TATDN1: variants seen among roughly 807,000 people sequenced by gnomAD.
The protein encoded by TATDN1 is deoxyribonuclease TATDN1.
A neutral mutation model predicts 46.4 loss-of-function variants in TATDN1; 40 were observed. The observed-to-expected ratio is 0.86, with a 90% CI of 0.67 to 1.12. The LOEUF is 1.12. TATDN1 is among the 50% of genes most tolerant of loss of function. TATDN1 has a pLI of 0.00. For synonymous variants in TATDN1, 95 were observed against 105.6 expected (o/e 0.90, Z 0.62); for missense variants, 326 against 348.4 (o/e 0.94, Z 0.51).
At chr8:124,524,912 G>C (rs1172298993) in intron 1 of TATDN1, among the ~76,000 whole-genome samples, 1 of 152,064 alleles carries the variant, frequency 6.6e-6, no homozygotes, top group Non-Finnish European at 1.5e-5. Context: ...GATCTGGGAT[G>C]GGGGAAATGA....
chr8:124,529,256 C>T (rs991296855), intron 1 of TATDN1, among the ~76,000 whole-genome samples: 1 of 152,218 alleles, frequency 6.6e-6, no homozygotes, highest in African/African-American at 2.4e-5. Flanking sequence ...TCTCATACTC[C>T]TAAATCCCGC....
At chr8:124,532,485 T>C (rs1236564780) in intron 1 of TATDN1, among the ~76,000 whole-genome samples, 3 of 152,160 alleles carry the variant, frequency 2.0e-5, no homozygotes, top group Non-Finnish European at 4.4e-5. Context: ...GGTTTCACCA[T>C]GTTGGTCAGG....
intron 1 of TATDN1, 71 bp from the exon 2 acceptor site, chr8:124,523,073 CTGT>C (rs1413496573): frequency 1.4e-6 from 2 of 1,398,022 alleles, no homozygotes; most frequent in African/African-American, 2.9e-5. Flanking sequence ...TAAAAAGCTT[CTGT>C]TACTAAACTT....
chr8:124,533,879 G>C (rs1378915717), intron 1 of TATDN1, among the ~76,000 whole-genome samples: 2 of 152,044 alleles, frequency 1.3e-5, no homozygotes, highest in Non-Finnish European at 2.9e-5. Context: ...GGGCGCGATG[G>C]CTCACGCCTA....
At chr8:124,508,393 A>T in intron 8 of TATDN1, 81 bp downstream of exon 8, 1 of 1,203,730 alleles carries the variant, frequency 8.3e-7, no homozygotes, top group Non-Finnish European at 1.2e-6. Context: ...CAGATTTTGG[A>T]GCATTTTGTA....
intron 1 of TATDN1, among the ~76,000 whole-genome samples, chr8:124,524,920 T>G (rs1412583648): frequency 6.6e-6 from 1 of 151,864 alleles, no homozygotes; most frequent in Non-Finnish European, 1.5e-5. Flanking sequence ...ATGGGGGAAA[T>G]GAGGGATGAG....
chr8:124,512,837 G>A (rs113763177), intron 6 of TATDN1, among the ~76,000 whole-genome samples: 17 of 152,270 alleles, frequency 1.1e-4, no homozygotes, highest in African/African-American at 3.6e-4. Flanking sequence ...GAGTATATGC[G>A]AGGGGAAAAG....
rs760247914 is a variant in TATDN1, at chr8:124,494,007, A to AT, written c.665-49dup. On this transcript the variant is annotated intron_variant, in intron 10 of 11. Transcript: ENST00000276692. ...TCGTAAGGGGTTTACATTTTTAAAA[A>AT]TTTTTTATGACCATTATCTAATATA... 3.3e-6 allele frequency: 5 copies of AT among 1,530,582 alleles called. No homozygotes were observed. In the African/African-American group the frequency reaches 4.2e-5, roughly 13 times the overall value. The allele number at this position is 1,530,582 out of a possible 1,614,324, so 94.8% of individuals were successfully genotyped here.
intron 1 of TATDN1, among the ~76,000 whole-genome samples, chr8:124,534,573 C>G (rs1191000049): frequency 6.6e-6 from 1 of 152,186 alleles, no homozygotes; most frequent in African/African-American, 2.4e-5. Flanking sequence ...CCACCTTGGC[C>G]TCCCAAAGTG....
chr8:124,514,979 G>C (rs546071495), intron 6 of TATDN1, among the ~76,000 whole-genome samples: 1 of 151,976 alleles, frequency 6.6e-6, no homozygotes, highest in Admixed American at 6.6e-5. Context: ...TTTTAGAGAC[G>C]GAGTCTCCTT....
chr8:124,488,861 C>T, intron 11 of TATDN1, 165 bp from the exon 12 acceptor site: 1 of 586,882 alleles, frequency 1.7e-6, no homozygotes, highest in South Asian at 2.1e-5. Flanking sequence ...AACTTACTGC[C>T]AGTAACTGGA....
At chr8:124,519,116 A>G (rs571813971) in intron 3 of TATDN1, among the ~76,000 whole-genome samples, 1 of 152,132 alleles carries the variant, frequency 6.6e-6, no homozygotes, top group Non-Finnish European at 1.5e-5. Context: ...TCATCACTAG[A>G]CTCTGTTAAA....
chr8:124,533,466 AG>A (rs141507684), intron 1 of TATDN1, among the ~76,000 whole-genome samples: 5,891 of 152,060 alleles, frequency 0.039, 156 homozygotes, highest in Middle Eastern at 0.069. Context: ...ATGAGGCCTG[AG>A]GGGGTGGCAA....
chr8:124,500,431 G>A (rs545645441), intron 9 of TATDN1, among the ~76,000 whole-genome samples: 1 of 152,256 alleles, frequency 6.6e-6, no homozygotes, highest in East Asian at 1.9e-4. Flanking sequence ...CAGGAGCCAG[G>A]TACGGTGGCT....
intron 1 of TATDN1, among the ~76,000 whole-genome samples, chr8:124,525,935 G>A (rs1820449412): frequency 6.6e-6 from 1 of 152,178 alleles, no homozygotes; most frequent in Non-Finnish European, 1.5e-5. Context: ...AGAAATGCAA[G>A]CACCTTTAAA....
rs556268178 is a variant in TATDN1, at chr8:124,527,271, G to C, written c.23-4269C>G. On this transcript the variant is annotated intron_variant, in intron 1 of 11. Coordinates refer to ENST00000276692, the MANE Select transcript of TATDN1 (RefSeq NM_032026.4). The stretch of plus-strand genomic sequence containing the variant: ...AACCCCATGTTCACTTTGGGGTGGA[G>C]ACTTAACATTAAAATGCAGTAAAAT... Among the ~76,000 whole-genome samples the C allele has an allele frequency of 1.3e-4, 20 of 152,310 alleles. No individual in the cohort carries two copies. The South Asian group carries it at 3.9e-3, about 30-fold the overall frequency.
chr8:124,492,522 A>T (rs1817100327), intron 11 of TATDN1, among the ~76,000 whole-genome samples: 1 of 152,000 alleles, frequency 6.6e-6, no homozygotes. Context: ...CTGTAATCCT[A>T]GCACTTTGGG....
At chr8:124,521,407 T>C (rs1297012379) in intron 3 of TATDN1, among the ~76,000 whole-genome samples, 1 of 152,160 alleles carries the variant, frequency 6.6e-6, no homozygotes, top group Admixed American at 6.5e-5. Context: ...AGAAAAGCAT[T>C]GTTTAAAGTG....
chr8:124,532,309 A>G (rs1178614025), intron 1 of TATDN1, among the ~76,000 whole-genome samples: 2 of 152,196 alleles, frequency 1.3e-5, no homozygotes, highest in Admixed American at 1.3e-4. Context: ...TCTGAGACAG[A>G]GTCTCACTCT....
Sources: allele counts gnomAD v4.1 joint callset (sites outside exome capture counted in the v4.1 genomes callset), GRCh38; gene constraint gnomAD v4.1.1; transcripts MANE v1.5; gene names NCBI Gene and HGNC (gene_info 2026-07-23, HGNC 2026-07-21).